Variants in MARCHF8 observed in about 807,000 individuals in gnomAD.
MARCHF8 encodes the protein membrane associated ring-CH-type finger 8, also known as E3 ubiquitin-protein ligase MARCHF8.
MARCHF8 carries 40 observed loss-of-function variants against 51.6 expected under a neutral mutation model. The ratio of observed to expected loss-of-function variants is 0.77; its 90% CI spans 0.60 to 1.01. MARCHF8 has a LOEUF of 1.01. Among genes scored for constraint, MARCHF8 ranks in the 50% least tolerant of loss-of-function variants. The probability of loss-of-function intolerance (pLI) is 0.00; values close to 1 mark genes in which losing one functional copy is unlikely to be tolerated. For missense variants in MARCHF8, 685 were observed against 708.6 expected, an observed-to-expected ratio of 0.97 and a Z score of 0.38; for synonymous variants, 263 against 280.3, an observed-to-expected ratio of 0.94 and a Z score of 0.62.
At chr10:45,483,558 C>T (rs185581103) in intron 3 of MARCHF8, among the ~76,000 whole-genome samples, 1 of 152,332 alleles carries the variant, frequency 6.6e-6, no homozygotes, top group Admixed American at 6.5e-5. Flanking sequence ...AGCAATCTCA[C>T]TACAGAGTAT....
chr10:45,497,071 G>A (rs1162456425), intron 2 of MARCHF8, among the ~76,000 whole-genome samples: 4 of 151,940 alleles, frequency 2.6e-5, no homozygotes, highest in African/African-American at 7.2e-5. Flanking sequence ...TCTAAGTTCA[G>A]GAGATACAAT....
intron 5 of MARCHF8, 30 bp downstream of exon 5, chr10:45,463,121 G>A (rs1281988938): frequency 1.3e-6 from 2 of 1,535,004 alleles, no homozygotes; most frequent in East Asian, 2.5e-5. Flanking sequence ...GAGCAGAGAT[G>A]GCTAGAATGG....
At chr10:45,587,705 A>C (rs945200831) in intron 1 of MARCHF8, among the ~76,000 whole-genome samples, 3 of 152,172 alleles carry the variant, frequency 2.0e-5, no homozygotes, top group Admixed American at 6.5e-5. Context: ...ATAGATAAAG[A>C]TAATATGGTA....
intron 1 of MARCHF8, among the ~76,000 whole-genome samples, chr10:45,584,486 A>G (rs2044596009): frequency 6.6e-6 from 1 of 152,188 alleles, no homozygotes; most frequent in African/African-American, 2.4e-5. Context: ...AATATCTGAC[A>G]ATATTAAGTG....
At chr10:45,480,319 AC>A (rs2042861966) in intron 3 of MARCHF8, among the ~76,000 whole-genome samples, 1 of 152,146 alleles carries the variant, frequency 6.6e-6, no homozygotes, top group African/African-American at 2.4e-5. Flanking sequence ...GAAAAGAAAA[AC>A]CCATTTTCTG....
At position 45,463,597 on chromosome 10, in the gene MARCHF8, T is replaced by C. The variant is rs975379172; in HGVS notation, c.642A>G (p.Lys214=). 2.6e-6 allele frequency: 4 copies of C among 1,550,670 alleles called. No individual in the cohort carries two copies. The Admixed American group carries it at 5.9e-5, about 23-fold the overall frequency. ...CAGAAAGGCATGAAACACAAGAATG[T>C]TTGGAATTGCCAAGAGGTTTGTGGT... ...TLNHKPLGNS[K]HSCVSCLSAG... is the part of the protein sequence containing the mutation. Residue 214 remains lysine (K), a synonymous_variant, in exon 5 of 8, where the codon AAA becomes AAG. Transcript: ENST00000453424.
chr10:45,457,974 AG>A lies in MARCHF8; in HGVS notation c.*264del. 4.4e-6 allele frequency: 2 copies of A among 459,498 alleles called. No individual in the cohort carries two copies. Among genetic ancestry groups the A allele is most frequent in the Non-Finnish European group, 7.6e-6 (2 of 262,858 alleles). The allele number at this position is 459,498 out of a possible 1,614,324, so 28.5% of individuals were successfully genotyped here. ...TCTCATTCAGCTCAAGACCATGGGC[AG>A]GAACTCTGCTGGCTCCCCATGATGT... On this transcript the variant is annotated 3_prime_UTR_variant, in exon 8 of 8. Coordinates refer to ENST00000453424, the MANE Select transcript of MARCHF8 (RefSeq NM_001282866.2).
chr10:45,524,310 G>A (rs1198859862), intron 2 of MARCHF8, among the ~76,000 whole-genome samples: 9 of 152,122 alleles, frequency 5.9e-5, no homozygotes, highest in Admixed American at 5.2e-4. Context: ...TTCTATACAT[G>A]TTTGAGCCAA....
At chr10:45,462,725 A>C (rs1842830275) in intron 5 of MARCHF8, among the ~76,000 whole-genome samples, 1 of 151,762 alleles carries the variant, frequency 6.6e-6, no homozygotes, top group South Asian at 2.1e-4. Context: ...TCCCGGGTTC[A>C]AGCAATTCTC....
chr10:45,592,302 T>C (rs184963429), intron 1 of MARCHF8, among the ~76,000 whole-genome samples: 58 of 152,328 alleles, frequency 3.8e-4, no homozygotes, highest in African/African-American at 9.6e-4. Context: ...AAAATGTTTA[T>C]AGTGTATACA....
intron 2 of MARCHF8, among the ~76,000 whole-genome samples, chr10:45,508,382 T>C (rs1302829266): frequency 6.6e-6 from 1 of 151,800 alleles, no homozygotes; most frequent in Non-Finnish European, 1.5e-5. Flanking sequence ...TTTGTTACTA[T>C]TGATGAAACT....
chr10:45,534,132 A>G (rs999625895), intron 1 of MARCHF8, among the ~76,000 whole-genome samples: 2 of 152,062 alleles, frequency 1.3e-5, no homozygotes, highest in Non-Finnish European at 2.9e-5. Context: ...GCAGTGAGCC[A>G]AGATCGCACC....
intron 1 of MARCHF8, among the ~76,000 whole-genome samples, chr10:45,561,856 G>C (rs1447756025): frequency 7.0e-6 from 1 of 142,682 alleles, no homozygotes; most frequent in Non-Finnish European, 1.5e-5. Context: ...AGCCAAGATG[G>C]AGCCTCTGCA....
chr10:45,496,611 G>GT (rs1261635606), intron 2 of MARCHF8, among the ~76,000 whole-genome samples: 1 of 152,040 alleles, frequency 6.6e-6, no homozygotes, highest in Admixed American at 6.5e-5. Context: ...TTAAAAGACA[G>GT]TTAAATAAAC....
intron 5 of MARCHF8, among the ~76,000 whole-genome samples, chr10:45,462,521 T>TAGTTTCTTTCTTCC (rs1294367865): frequency 6.6e-6 from 1 of 152,192 alleles, no homozygotes; most frequent in Non-Finnish European, 1.5e-5. Context: ...CTGAAGATAC[T>TAGTTTCTTTCTTCC]AGTTTCTTTC....
intron 2 of MARCHF8, among the ~76,000 whole-genome samples, chr10:45,517,396 G>A (rs1232743135): frequency 6.6e-6 from 1 of 152,198 alleles, no homozygotes; most frequent in African/African-American, 2.4e-5. Context: ...GTGGGAGGTC[G>A]ACTGGATCAT....
At chr10:45,544,117 T>C (rs35034867) in intron 1 of MARCHF8, among the ~76,000 whole-genome samples, 9,379 of 152,064 alleles carry the variant, frequency 0.062, 329 homozygotes, top group Non-Finnish European at 0.067. Context: ...AATAAACTCA[T>C]GAAAAGATGC....
chr10:45,457,987 G>A lies in MARCHF8; in HGVS notation c.*252C>T, dbSNP rs1842658883. The A allele has an allele frequency of 2.1e-6, 1 of 468,652 alleles. No individual in the cohort carries two copies. Among genetic ancestry groups the A allele is most frequent in the Non-Finnish European group, 3.7e-6 (1 of 268,764 alleles). 29.0% of individuals were successfully genotyped at this position (468,652 alleles called of 1,614,324 possible). A position where few individuals can be genotyped will look rare whatever the true frequency, so the allele number is the denominator to read the frequency against. The stretch of plus-strand genomic sequence containing the variant: ...AAGACCATGGGCAGGAACTCTGCTG[G>A]CTCCCCATGATGTCATCATGGGGTC... On this transcript the variant is annotated 3_prime_UTR_variant, in exon 8 of 8. Transcript: ENST00000453424.
chr10:45,564,818 G>A (rs2133375023), intron 1 of MARCHF8, among the ~76,000 whole-genome samples: 1 of 151,310 alleles, frequency 6.6e-6, no homozygotes, highest in South Asian at 2.1e-4. Flanking sequence ...AAGAAGCCAG[G>A]AAGTAATGCA....
Sources: gnomAD v4.1 joint callset for allele counts (sites outside exome capture counted in the v4.1 genomes callset) on GRCh38, gnomAD v4.1.1 for gene constraint, MANE v1.5 for transcripts, NCBI Gene and HGNC (gene_info 2026-07-23, HGNC 2026-07-21) for gene names.